Variants in FBXO34 observed in about 807,000 individuals in gnomAD.
FBXO34 encodes the protein F-box protein 34.
Under a neutral mutation model 24.5 loss-of-function variants are expected in FBXO34, and 12 were observed. That is an observed-to-expected ratio of 0.49 (90% confidence interval 0.31 to 0.79). FBXO34 has a LOEUF of 0.79. Among genes scored for constraint, FBXO34 ranks in the 30% least tolerant of loss-of-function variants. The pLI is 0.04. For missense variants in FBXO34, 823 were observed against 857.7 expected, an observed-to-expected ratio of 0.96 and a Z score of 0.51; for synonymous variants, 320 against 311.9, an observed-to-expected ratio of 1.03 and a Z score of -0.27.
chr14:55,304,394 A>G (rs1268831919), intron 1 of FBXO34, among the ~76,000 whole-genome samples: 2 of 151,924 alleles, frequency 1.3e-5, no homozygotes, highest in African/African-American at 2.4e-5. Flanking sequence ...GGATCTCACT[A>G]TGTTGCCCGG....
chr14:55,382,292 A>G, the FBXO34 span: 4 of 968,002 alleles, frequency 4.1e-6, no homozygotes, highest in Non-Finnish European at 6.2e-6. Flanking sequence ...GCTGCCTATG[A>G]GCACAGAAAT....
chr14:55,442,192 C>T, the FBXO34 span, among the ~76,000 whole-genome samples: 1 of 151,246 alleles, frequency 6.6e-6, no homozygotes, highest in Admixed American at 6.6e-5. Context: ...AGTTCAAGAC[C>T]AGCCTGGCCA....
At chr14:55,410,213 C>A in the FBXO34 span, among the ~76,000 whole-genome samples, 2 of 152,162 alleles carry the variant, frequency 1.3e-5, no homozygotes, top group African/African-American at 2.4e-5. Flanking sequence ...TATTACAAAT[C>A]TAAAAATATT....
At chr14:55,299,272 C>T (rs1028607105) in intron 1 of FBXO34, 7 of 772,602 alleles carry the variant, frequency 9.1e-6, no homozygotes, top group African/African-American at 5.1e-5. Flanking sequence ...CTGGGTCCAG[C>T]GCGGGCAGGA....
At chr14:55,384,980 T>A in the FBXO34 span, among the ~76,000 whole-genome samples, 3 of 152,220 alleles carry the variant, frequency 2.0e-5, no homozygotes, top group East Asian at 5.8e-4. Flanking sequence ...GGAACCACTG[T>A]CCTGTCTGTC....
intron 1 of FBXO34, among the ~76,000 whole-genome samples, chr14:55,308,251 A>G (rs1053752467): frequency 3.9e-5 from 6 of 152,206 alleles, no homozygotes; most frequent in African/African-American, 1.4e-4. Context: ...TTTTTGTTCT[A>G]AACATATTTT....
At chr14:55,381,890 T>TTTTGTTATG in the FBXO34 span, 3 of 1,349,948 alleles carry the variant, frequency 2.2e-6, no homozygotes, top group Non-Finnish European at 3.1e-6. Flanking sequence ...TTGAAAGCTC[T>TTTTGTTATG]TCATTTTGTT....
intron 1 of FBXO34, among the ~76,000 whole-genome samples, chr14:55,344,521 C>G (rs1292284308): frequency 6.7e-6 from 1 of 150,068 alleles, no homozygotes; most frequent in Non-Finnish European, 1.5e-5. Context: ...GCACTCAAGC[C>G]CAATGTTAAT....
At chr14:55,298,296 G>A (rs1882210976) in intron 1 of FBXO34, among the ~76,000 whole-genome samples, 1 of 152,028 alleles carries the variant, frequency 6.6e-6, no homozygotes, top group Non-Finnish European at 1.5e-5. Context: ...GTGGCCCAGG[G>A]AAGCCAAAAG....
At chr14:55,323,017 C>CAAAAAAAAAAAA (rs1444620301) in intron 1 of FBXO34, among the ~76,000 whole-genome samples, 2 of 40,896 alleles carry the variant, frequency 4.9e-5, no homozygotes, top group African/African-American at 1.0e-4. Flanking sequence ...ACTAAAAATA[C>CAAAAAAAAAAAA]AAAAAAAAAA....
intron 1 of FBXO34, among the ~76,000 whole-genome samples, chr14:55,306,522 G>A (rs1303379335): frequency 6.6e-6 from 1 of 152,186 alleles, no homozygotes; most frequent in Non-Finnish European, 1.5e-5. Flanking sequence ...ATAGTACGTG[G>A]TCTTTCAAAC....
chr14:55,366,617 C>G (rs1412446357), downstream of FBXO34: 1 of 145,578 alleles, frequency 6.9e-6, no homozygotes, highest in South Asian at 2.2e-4. Context: ...ACTGTTTTTC[C>G]CCCTTACAGA....
At chr14:55,411,586 G>A in the FBXO34 span, 5 of 1,593,968 alleles carry the variant, frequency 3.1e-6, no homozygotes, top group South Asian at 1.1e-5. Flanking sequence ...CAATAGGGCC[G>A]TGGCGGCCGC....
At chr14:55,307,888 G>A (rs1317175897) in intron 1 of FBXO34, among the ~76,000 whole-genome samples, 1 of 152,178 alleles carries the variant, frequency 6.6e-6, no homozygotes, top group African/African-American at 2.4e-5. Context: ...AATGGAGGAT[G>A]AAATGGTTTG....
At chr14:55,345,665 T>G (rs1246727499) in intron 1 of FBXO34, among the ~76,000 whole-genome samples, 1 of 152,192 alleles carries the variant, frequency 6.6e-6, no homozygotes, top group Non-Finnish European at 1.5e-5. Context: ...TTACTCATAT[T>G]TATACCAGTG....
chr14:55,338,206 C>T (rs575121309), intron 1 of FBXO34, among the ~76,000 whole-genome samples: 25 of 151,868 alleles, frequency 1.6e-4, no homozygotes, highest in African/African-American at 5.6e-4. Flanking sequence ...CGTGCCACCA[C>T]ACCCAGCTAA....
intron 1 of FBXO34, among the ~76,000 whole-genome samples, chr14:55,308,396 G>T (rs1311705281): frequency 6.6e-6 from 1 of 152,158 alleles, no homozygotes; most frequent in East Asian, 1.9e-4. Flanking sequence ...AGAATAACTT[G>T]TCCAATTTCT....
At chr14:55,300,089 T>G (rs931023965) in intron 1 of FBXO34, among the ~76,000 whole-genome samples, 1 of 152,158 alleles carries the variant, frequency 6.6e-6, no homozygotes, top group Non-Finnish European at 1.5e-5. Flanking sequence ...ACCCCTTCAT[T>G]CTTTAATATC....
the FBXO34 span, chr14:55,386,005 C>T: frequency 6.2e-7 from 1 of 1,614,092 alleles, no homozygotes. Flanking sequence ...TGCGATTATG[C>T]CTCTGAATCT....
Sources: allele counts gnomAD v4.1 joint callset (sites outside exome capture counted in the v4.1 genomes callset), GRCh38; gene constraint gnomAD v4.1.1; transcripts MANE v1.5; gene names NCBI Gene and HGNC (gene_info 2026-07-23, HGNC 2026-07-21).